Variants in MYO5A observed in about 807,000 individuals in gnomAD.
MYO5A encodes unconventional myosin-Va.
In MYO5A, 98 loss-of-function variants were observed where a neutral mutation model predicts 249.7. That is an observed-to-expected ratio of 0.39 (90% CI 0.33 to 0.46). MYO5A has a LOEUF of 0.46. Ranked by LOEUF, MYO5A falls within the 20% of genes least tolerant of loss-of-function variation. The probability of loss-of-function intolerance (pLI) is 0.98; values close to 1 mark genes in which losing one functional copy is unlikely to be tolerated. For missense variants in MYO5A, 1,696 were observed against 2,308.8 expected (o/e 0.73, Z 5.44); for synonymous variants, 778 against 810.6 (o/e 0.96, Z 0.68).
At position 52,310,801 on chromosome 15, in the gene MYO5A, A is replaced by C. The variant is rs1323822339; in HGVS notation, c.*2895T>G. ...GAACCTCAGAGGGAAAGCAATCCTCAAACTGGCCCAAAGATCCCCATAGTC... is the reference window on the plus strand; with the variant it reads ...GAACCTCAGAGGGAAAGCAATCCTCCAACTGGCCCAAAGATCCCCATAGTC... On this transcript the variant is annotated 3_prime_UTR_variant, in exon 42 of 42. Coordinates refer to ENST00000399233, the MANE Select transcript of MYO5A (RefSeq NM_001382347.1). 6.6e-6 allele frequency: 1 copy of C among 152,356 alleles called. No individual in the cohort carries two copies. Among genetic ancestry groups the C allele is most frequent in the Non-Finnish European group, 1.5e-5 (1 of 68,122 alleles). 9.4% of individuals were successfully genotyped at this position (152,356 alleles called of 1,614,324 possible).
rs1044507733 is a variant in MYO5A, at chr15:52,505,127, T to C, written c.27+23653A>G. On this transcript the variant is annotated intron_variant, in intron 1 of 41. Transcript: ENST00000399233. ...CAACAAAAGGTCCAAGGACAATCTGTGGGCCACTTAATTCAGGGCCCTCAA... is the reference window on the plus strand; with the variant it reads ...CAACAAAAGGTCCAAGGACAATCTGCGGGCCACTTAATTCAGGGCCCTCAA... The C allele has an allele frequency of 1.6e-5, 11 of 695,048 alleles. No homozygotes were observed. The Admixed American group carries it at 2.3e-4, about 15-fold the overall frequency. 43.1% of individuals were successfully genotyped at this position (695,048 alleles called of 1,614,324 possible).
chr15:52,438,159 T>C (rs2075706172), intron 1 of MYO5A: 2 of 540,458 alleles, frequency 3.7e-6, no homozygotes, highest in Admixed American at 6.4e-5. Flanking sequence ...CTCAACCTGA[T>C]ATGCCACTTC....
At chr15:52,417,573 T>C (rs979274122) in intron 4 of MYO5A, among the ~76,000 whole-genome samples, 2 of 152,232 alleles carry the variant, frequency 1.3e-5, no homozygotes, top group Admixed American at 1.3e-4. Flanking sequence ...CCAAAATTCA[T>C]GTTGAAATTT....
intron 30 of MYO5A, among the ~76,000 whole-genome samples, 174 bp from the exon 31 acceptor site, chr15:52,343,371 G>T (rs1483040187): frequency 6.6e-6 from 1 of 152,198 alleles, no homozygotes; most frequent in Non-Finnish European, 1.5e-5. Context: ...TTTTAAAAAT[G>T]AGTAACATGT....
At chr15:52,338,328 G>C in intron 32 of MYO5A, among the ~76,000 whole-genome samples, 1 of 151,950 alleles carries the variant, frequency 6.6e-6, no homozygotes, top group East Asian at 1.9e-4. Flanking sequence ...AGCTGGAGAG[G>C]CTGGTGGGAA....
chr15:52,383,082 A>T lies in MYO5A; in HGVS notation c.2012+9T>A, dbSNP rs775743115. On this transcript the variant is annotated intron_variant, in intron 16 of 41. Coordinates refer to ENST00000399233, the MANE Select transcript of MYO5A (RefSeq NM_001382347.1). ...GTACTTTTTCACTGGGTGGTTCAGA[A>T]ATACTTACGTGAATGGGAACTTGAA... The T allele has an allele frequency of 6.2e-7, 1 of 1,601,736 alleles. No individual in the cohort carries two copies. The highest frequency in any genetic ancestry group is 1.7e-5 in the Admixed American group (1 of 60,002).
intron 11 of MYO5A, among the ~76,000 whole-genome samples, chr15:52,395,106 A>C (rs1296239832): frequency 6.6e-6 from 1 of 152,120 alleles, no homozygotes; most frequent in East Asian, 1.9e-4. Flanking sequence ...CCCCAACCCC[A>C]ATCTCGCTCC....
intron 37 of MYO5A, among the ~76,000 whole-genome samples, chr15:52,322,556 G>A (rs1334384367): frequency 3.3e-5 from 5 of 152,214 alleles, no homozygotes; most frequent in African/African-American, 4.8e-5. Flanking sequence ...CTACCTCACA[G>A]AGATGCTGTA....
chr15:52,465,154 G>A (rs893749061), intron 1 of MYO5A, among the ~76,000 whole-genome samples: 4 of 152,168 alleles, frequency 2.6e-5, no homozygotes, highest in Non-Finnish European at 5.9e-5. Flanking sequence ...ATAATGAGCT[G>A]GCTTTGAGAG....
At chr15:52,438,335 C>T (rs2075710492) in intron 1 of MYO5A, among the ~76,000 whole-genome samples, 1 of 152,182 alleles carries the variant, frequency 6.6e-6, no homozygotes, top group African/African-American at 2.4e-5. Flanking sequence ...AAATGGGACA[C>T]AGTGTGAGTC....
intron 27 of MYO5A, among the ~76,000 whole-genome samples, chr15:52,353,334 A>G (rs2040047212): frequency 6.6e-6 from 1 of 152,212 alleles, no homozygotes; most frequent in African/African-American, 2.4e-5. Context: ...TTGGATTTTT[A>G]TAGTGGCAGA....
At chr15:52,448,785 T>C (rs930199993) in intron 1 of MYO5A, among the ~76,000 whole-genome samples, 1 of 152,080 alleles carries the variant, frequency 6.6e-6, no homozygotes, top group South Asian at 2.1e-4. Flanking sequence ...CTTGTCCTCA[T>C]GCTCCAGCTG....
chr15:52,431,176 G>A (rs1220316846), intron 2 of MYO5A, among the ~76,000 whole-genome samples: 1 of 124,704 alleles, frequency 8.0e-6, no homozygotes, highest in Admixed American at 1.1e-4. Flanking sequence ...AGGCTGCAGT[G>A]AGCCGAGATT....
chr15:52,427,849 G>A (rs2075430565), intron 3 of MYO5A, among the ~76,000 whole-genome samples: 1 of 151,978 alleles, frequency 6.6e-6, no homozygotes, highest in South Asian at 2.1e-4. Context: ...GGAGAAGGGG[G>A]AAAGGAACAC....
At position 52,372,203 on chromosome 15, in the gene MYO5A, C is replaced by T. The variant is rs916981993; in HGVS notation, c.2738G>A (p.Arg913His). 3.1e-6 allele frequency: 5 copies of T among 1,613,518 alleles called. No homozygotes were observed. Among genetic ancestry groups the T allele is most frequent in the African/African-American group, 2.7e-5 (2 of 75,022 alleles). Residue 913 changes from arginine (R) to histidine (H), a missense_variant, in exon 21 of 42, where the codon CGC becomes CAC. Arg to His is a conservative substitution (Grantham distance 29, BLOSUM62 0). Transcript: ENST00000399233. ...CAGCTTCTTATAGCGCTCCACTGAG[C>T]GAGCCTCGATTTTGAGCTTCTTTAG... The part of the protein sequence containing the change: ...RELKKLKIEA[R>H]SVERYKKLHI...
At chr15:52,461,742 C>A (rs2076252751) in intron 1 of MYO5A, among the ~76,000 whole-genome samples, 1 of 152,014 alleles carries the variant, frequency 6.6e-6, no homozygotes. Flanking sequence ...GTGGGCAGAT[C>A]GCGAGGTGAG....
chr15:52,366,288 T>G (rs2040803220), intron 23 of MYO5A, among the ~76,000 whole-genome samples: 1 of 152,214 alleles, frequency 6.6e-6, no homozygotes, highest in African/African-American at 2.4e-5. Context: ...CTTTATTGTT[T>G]TGTTATCTCA....
intron 1 of MYO5A, among the ~76,000 whole-genome samples, chr15:52,442,249 C>T (rs1057188669): frequency 6.6e-5 from 10 of 152,042 alleles, no homozygotes; most frequent in African/African-American, 1.9e-4. Flanking sequence ...GAAATGCTGG[C>T]GCCACCACCT....
At chr15:52,353,484 A>C in intron 27 of MYO5A, 121 bp downstream of exon 27, 1 of 826,570 alleles carries the variant, frequency 1.2e-6, no homozygotes, top group Non-Finnish European at 2.1e-6. Context: ...ATAAGGCTGA[A>C]GCTAGGACCT....
Sources: allele counts gnomAD v4.1 joint callset (sites outside exome capture counted in the v4.1 genomes callset), GRCh38; gene constraint gnomAD v4.1.1; transcripts MANE v1.5; gene names NCBI Gene and HGNC (gene_info 2026-07-23, HGNC 2026-07-21).